The following NREP variants were observed in gnomAD, a reference collection of about 807,000 sequenced individuals.
The protein encoded by NREP is neuronal regeneration-related protein.
NREP carries 5 observed loss-of-function variants against 8.6 expected under a neutral mutation model. The observed-to-expected ratio is 0.58, with a 90% confidence interval of 0.30 to 1.22. NREP has a LOEUF of 1.22. NREP is among the 50% of genes most tolerant of loss of function. The pLI is 0.07. For missense variants in NREP, 86 were observed against 82.5 expected (o/e 1.04, Z -0.17); for synonymous variants, 27 against 28.0 (o/e 0.96, Z 0.11).
chr5:111,746,078 T>A (rs1299441405), intron 2 of NREP, among the ~76,000 whole-genome samples: 2 of 152,244 alleles, frequency 1.3e-5, no homozygotes, highest in Admixed American at 6.5e-5. Flanking sequence ...AACAACATAA[T>A]AGCTCATCAA....
chr5:111,889,994 T>G (rs534809933), intron 2 of NREP, among the ~76,000 whole-genome samples: 71 of 152,280 alleles, frequency 4.7e-4, no homozygotes, highest in African/African-American at 1.6e-3. Context: ...ATCACAATGG[T>G]GGAAGGTCAT....
chr5:111,813,411 G>A (rs1341998330), intron 2 of NREP, among the ~76,000 whole-genome samples: 7 of 152,110 alleles, frequency 4.6e-5, no homozygotes. Flanking sequence ...AATCCTGTGA[G>A]TTAGTAATCA....
At chr5:111,868,100 A>C (rs1395792533) in intron 2 of NREP, among the ~76,000 whole-genome samples, 1 of 152,138 alleles carries the variant, frequency 6.6e-6, no homozygotes, top group African/African-American at 2.4e-5. Context: ...TTAAAAGCTA[A>C]TGGAAACACT....
intron 2 of NREP, among the ~76,000 whole-genome samples, chr5:111,852,111 T>C (rs895313435): frequency 1.3e-5 from 2 of 152,108 alleles, no homozygotes; most frequent in African/African-American, 4.8e-5. Flanking sequence ...GGAACTAGCT[T>C]AGGTCCTTTT....
intron 2 of NREP, among the ~76,000 whole-genome samples, chr5:111,797,063 A>AGATC (rs1751889025): frequency 2.1e-5 from 1 of 46,706 alleles, no homozygotes; most frequent in African/African-American, 7.7e-5. Flanking sequence ...GTGTCTACTA[A>AGATC]GATAGATAGA....
At chr5:111,923,232 C>T (rs1167249284) in intron 2 of NREP, among the ~76,000 whole-genome samples, 2 of 152,140 alleles carry the variant, frequency 1.3e-5, no homozygotes, top group African/African-American at 2.4e-5. Context: ...GCGCTTGTGC[C>T]TAGTGAAAGA....
intron 2 of NREP, among the ~76,000 whole-genome samples, chr5:111,769,239 C>A (rs1453324908): frequency 6.6e-6 from 1 of 152,204 alleles, no homozygotes; most frequent in East Asian, 1.9e-4. Flanking sequence ...ATTTATTGAG[C>A]ATCCACTTGC....
intron 2 of NREP, among the ~76,000 whole-genome samples, chr5:111,851,656 G>T (rs778543973): frequency 4.6e-5 from 7 of 152,070 alleles, no homozygotes; most frequent in Non-Finnish European, 8.8e-5. Flanking sequence ...AGTTGGAGAT[G>T]TTGATCAAAG....
chr5:111,950,280 G>C (rs1342942276), intron 2 of NREP, among the ~76,000 whole-genome samples: 1 of 151,962 alleles, frequency 6.6e-6, no homozygotes, highest in Non-Finnish European at 1.5e-5. Context: ...AAATCTGACA[G>C]AAACAAGCAA....
chr5:111,779,829 G>T (rs1044810542), intron 2 of NREP, among the ~76,000 whole-genome samples: 5 of 152,198 alleles, frequency 3.3e-5, no homozygotes, highest in African/African-American at 1.2e-4. Context: ...GTATGAGAGA[G>T]GACAAGAACA....
intron 2 of NREP, among the ~76,000 whole-genome samples, chr5:111,772,771 T>C (rs1751261585): frequency 1.3e-5 from 2 of 152,154 alleles, no homozygotes; most frequent in African/African-American, 4.8e-5. Flanking sequence ...CTGAAAGATG[T>C]TGTTTTCCTG....
chr5:111,854,723 A>G (rs953333472), intron 2 of NREP, among the ~76,000 whole-genome samples: 1 of 152,186 alleles, frequency 6.6e-6, no homozygotes, highest in African/African-American at 2.4e-5. Context: ...AAAATGAATA[A>G]TAAAACATGA....
At chr5:111,877,042 T>C (rs1753926286) in intron 2 of NREP, among the ~76,000 whole-genome samples, 1 of 152,222 alleles carries the variant, frequency 6.6e-6, no homozygotes, top group African/African-American at 2.4e-5. Flanking sequence ...ATTTCAGTAC[T>C]GAAATCACCT....
chr5:111,896,428 A>G (rs1754512978), intron 2 of NREP, among the ~76,000 whole-genome samples: 1 of 152,196 alleles, frequency 6.6e-6, no homozygotes, highest in Admixed American at 6.5e-5. Context: ...AACTAAATGA[A>G]GTTGTCTAGC....
rs1169452360 is a variant in NREP, at chr5:111,932,668, G to T, written c.135+42606C>A. On this transcript the variant is annotated intron_variant, in intron 2 of 3. Coordinates refer to the NREP transcript ENST00000395634. Reference sequence around the variant, plus strand: ...GGAAAATGTTTCATCTGAAACATTTGGTATAAATAAAAAACTTACAGAGAT... The same window carrying T: ...GGAAAATGTTTCATCTGAAACATTTTGTATAAATAAAAAACTTACAGAGAT... 2.0e-5 allele frequency among the ~76,000 whole-genome samples: 3 copies of T among 151,832 alleles called. No individual in the cohort carries two copies. The East Asian group carries it at 5.8e-4, about 29-fold the overall frequency.
At chr5:111,925,744 T>G (rs1174417569) in intron 2 of NREP, among the ~76,000 whole-genome samples, 2 of 152,138 alleles carry the variant, frequency 1.3e-5, no homozygotes, top group Non-Finnish European at 2.9e-5. Flanking sequence ...TTAGAGTAAT[T>G]AAGAAGTTTG....
At chr5:111,798,861 A>G (rs1171921374) in intron 2 of NREP, among the ~76,000 whole-genome samples, 1 of 151,958 alleles carries the variant, frequency 6.6e-6, no homozygotes, top group East Asian at 1.9e-4. Flanking sequence ...TATTTTGCAA[A>G]TGCAAATTGT....
chr5:111,953,177 T>G (rs141634810), intron 2 of NREP, among the ~76,000 whole-genome samples: 3 of 152,254 alleles, frequency 2.0e-5, no homozygotes, highest in Non-Finnish European at 4.4e-5. Flanking sequence ...TTTCAACCAA[T>G]TTCCTTCAAC....
intron 2 of NREP, among the ~76,000 whole-genome samples, chr5:111,764,324 T>C (rs1457540038): frequency 6.6e-6 from 1 of 152,198 alleles, no homozygotes; most frequent in Non-Finnish European, 1.5e-5. Context: ...TCTGTTTTCA[T>C]GTTGCTGATA....
Sources: allele counts gnomAD v4.1 joint callset (sites outside exome capture counted in the v4.1 genomes callset), GRCh38; gene constraint gnomAD v4.1.1; transcripts MANE v1.5; gene names NCBI Gene and HGNC (gene_info 2026-07-23, HGNC 2026-07-21).